The following MYO16 variants were observed in gnomAD, a reference collection of about 807,000 sequenced individuals.
MYO16 encodes the protein myosin XVI, also known as unconventional myosin-XVI.
A neutral mutation model predicts 205.3 loss-of-function variants in MYO16; 94 were observed. That is an observed-to-expected ratio of 0.46 (90% CI 0.39 to 0.54). The LOEUF (loss-of-function observed/expected upper bound fraction) is 0.54, where lower values mean the gene tolerates loss of function less well. Among genes scored for constraint, MYO16 ranks in the 20% least tolerant of loss-of-function variants. The probability of loss-of-function intolerance (pLI) is 0.00; values close to 1 mark genes in which losing one functional copy is unlikely to be tolerated. For missense variants in MYO16, 2,315 were observed against 2,387.5 expected (o/e 0.97, Z 0.63); for synonymous variants, 988 against 954.0 (o/e 1.04, Z -0.66).
At chr13:109,121,312 G>A (rs1320949079) in intron 29 of MYO16, among the ~76,000 whole-genome samples, 1 of 152,164 alleles carries the variant, frequency 6.6e-6, no homozygotes, top group African/African-American at 2.4e-5. Context: ...GTAAGGAGGT[G>A]TCTTCTGATG....
At chr13:108,862,713 G>A (rs1435953825) in intron 11 of MYO16, among the ~76,000 whole-genome samples, 1 of 152,106 alleles carries the variant, frequency 6.6e-6, no homozygotes, top group African/African-American at 2.4e-5. Flanking sequence ...TTTGGTTCAT[G>A]TATACTTTAA....
rs143560975 is a variant in MYO16, at chr13:109,169,429, A to G, written c.5323+4370A>G. ...GAGAAAGTTGTTTATCTTTTAAAAA[A>G]TTATCTTTGAAAACAATAAGATTGA... On this transcript the variant is annotated intron_variant, in intron 33 of 34. Coordinates refer to ENST00000457511, the MANE Select transcript of MYO16 (RefSeq NM_001198950.3). Among the ~76,000 whole-genome samples, 918 of 152,344 alleles carry G rather than the reference A, an allele frequency of 6.0e-3. 6 individuals are homozygous for G. Among genetic ancestry groups the G allele is most frequent in the Non-Finnish European group, 9.7e-3 (657 of 68,026 alleles).
chr13:108,831,133 G>A (rs772140567), intron 9 of MYO16, among the ~76,000 whole-genome samples: 3 of 151,856 alleles, frequency 2.0e-5, no homozygotes, highest in Non-Finnish European at 4.4e-5. Flanking sequence ...TAGTCACCTC[G>A]TAAAACCCCT....
intron 12 of MYO16, among the ~76,000 whole-genome samples, chr13:108,875,937 A>T (rs1408572771): frequency 6.6e-6 from 1 of 152,182 alleles, no homozygotes; most frequent in Non-Finnish European, 1.5e-5. Flanking sequence ...TGGATGCATA[A>T]TCCAGGCTGT....
At chr13:108,634,528 T>C (rs546310337) in intron 1 of MYO16, among the ~76,000 whole-genome samples, 1 of 152,332 alleles carries the variant, frequency 6.6e-6, no homozygotes, top group African/African-American at 2.4e-5. Context: ...ATTTCCTTGT[T>C]TGCAGGTCAT....
intron 24 of MYO16, chr13:109,049,017 A>T (rs1052615294): frequency 6.7e-6 from 1 of 150,024 alleles, no homozygotes; most frequent in African/African-American, 2.4e-5. Flanking sequence ...GCTCACAGGA[A>T]TAGAAAATTT....
At chr13:109,139,966 G>A (rs1243414580) in intron 31 of MYO16, among the ~76,000 whole-genome samples, 5 of 151,712 alleles carry the variant, frequency 3.3e-5, no homozygotes, top group Non-Finnish European at 7.4e-5. Flanking sequence ...GGGGTGGGTG[G>A]GTAGCAGCAG....
chr13:109,165,553 C>T (rs372397741), intron 33 of MYO16, among the ~76,000 whole-genome samples: 3 of 152,148 alleles, frequency 2.0e-5, no homozygotes, highest in Admixed American at 6.5e-5. Context: ...AAGACAAAGG[C>T]GTCTGGGAAT....
chr13:109,111,147 C>T (rs146401624), intron 28 of MYO16, among the ~76,000 whole-genome samples: 5 of 152,126 alleles, frequency 3.3e-5, no homozygotes, highest in African/African-American at 1.2e-4. Flanking sequence ...TAGGTAAAGG[C>T]CTTTTCATGG....
chr13:109,153,840 A>G (rs1877824817), intron 32 of MYO16, among the ~76,000 whole-genome samples: 2 of 152,208 alleles, frequency 1.3e-5, no homozygotes, highest in South Asian at 4.1e-4. Flanking sequence ...CCCACCACCG[A>G]CCTGCCTGGC....
chr13:108,587,916 G>A, the MYO16 span, among the ~76,000 whole-genome samples: 1 of 144,744 alleles, frequency 6.9e-6, no homozygotes, highest in Non-Finnish European at 1.5e-5. Flanking sequence ...TCTGAATATA[G>A]CCATTACATG....
At chr13:108,808,957 G>A (rs1887201527) in intron 7 of MYO16, among the ~76,000 whole-genome samples, 1 of 152,118 alleles carries the variant, frequency 6.6e-6, no homozygotes, top group Non-Finnish European at 1.5e-5. Context: ...CAAATGATAA[G>A]GCAGAGAATT....
intron 32 of MYO16, among the ~76,000 whole-genome samples, chr13:109,155,684 C>T (rs923114240): frequency 8.5e-5 from 13 of 152,198 alleles, no homozygotes; most frequent in Non-Finnish European, 1.5e-5. Context: ...TGCAAGCATT[C>T]ACAAAGGGAT....
intron 17 of MYO16, among the ~76,000 whole-genome samples, chr13:108,960,482 C>G (rs1395287608): frequency 1.3e-5 from 2 of 152,084 alleles, no homozygotes; most frequent in Non-Finnish European, 2.9e-5. Context: ...TTTCAATGCT[C>G]TCACTTTAAA....
In MYO16 at chr13:109,061,720, A is replaced by G. The variant is rs900132415; in HGVS notation, c.3335+6125A>G. ...TAATATTAATGAAAAGGTTTTAAATATGACAGGCATTACCCAATGCAAAGC... is the reference window on the plus strand; with the variant it reads ...TAATATTAATGAAAAGGTTTTAAATGTGACAGGCATTACCCAATGCAAAGC... On this transcript the variant is annotated intron_variant, in intron 27 of 34. Transcript: ENST00000457511. Among the ~76,000 whole-genome samples the G allele has an allele frequency of 5.9e-5, 9 of 152,314 alleles. No homozygotes were observed. The East Asian group carries it at 1.4e-3, about 23-fold the overall frequency.
chr13:108,793,898 C>T (rs1473205447), intron 6 of MYO16, among the ~76,000 whole-genome samples: 2 of 152,002 alleles, frequency 1.3e-5, no homozygotes, highest in East Asian at 1.9e-4. Context: ...ATCCCAGTGC[C>T]GTTTATAATA....
intron 4 of MYO16, among the ~76,000 whole-genome samples, chr13:108,781,026 T>C (rs1043405122): frequency 2.0e-5 from 3 of 152,234 alleles, no homozygotes; most frequent in African/African-American, 7.2e-5. Flanking sequence ...ATATTCTTTC[T>C]AAGTGTACAT....
At chr13:108,607,401 G>A (rs977351046) in intron 1 of MYO16, among the ~76,000 whole-genome samples, 1 of 152,094 alleles carries the variant, frequency 6.6e-6, no homozygotes, top group African/African-American at 2.4e-5. Context: ...GATCATGGGG[G>A]TGGTTCCCCT....
upstream of MYO16, among the ~76,000 whole-genome samples, chr13:108,629,049 T>G (rs1489892841): frequency 6.6e-6 from 1 of 152,242 alleles, no homozygotes; most frequent in Non-Finnish European, 1.5e-5. Context: ...CAGATTTACT[T>G]CATCCAGTTG....
Sources: gnomAD v4.1 joint callset for allele counts (sites outside exome capture counted in the v4.1 genomes callset) on GRCh38, gnomAD v4.1.1 for gene constraint, MANE v1.5 for transcripts, NCBI Gene and HGNC (gene_info 2026-07-23, HGNC 2026-07-21) for gene names.